Variants in SPTLC2 observed in about 807,000 individuals in gnomAD.
The protein encoded by SPTLC2 is serine palmitoyltransferase 2.
SPTLC2 carries 21 observed loss-of-function variants against 62.0 expected under a neutral mutation model. The observed-to-expected ratio is 0.34, with a 90% CI of 0.24 to 0.49. The LOEUF is 0.49. Ranked by LOEUF, SPTLC2 falls within the 20% of genes least tolerant of loss-of-function variation. The probability of loss-of-function intolerance (pLI) is 0.99; values close to 1 mark genes in which losing one functional copy is unlikely to be tolerated. For synonymous variants in SPTLC2, 261 were observed against 261.8 expected (o/e 1.00, Z 0.03); for missense variants, 511 against 713.0 (o/e 0.72, Z 3.23).
chr14:77,519,862 A>T (rs2079377499), intron 10 of SPTLC2, among the ~76,000 whole-genome samples: 3 of 151,650 alleles, frequency 2.0e-5, no homozygotes, highest in Admixed American at 2.0e-4. Flanking sequence ...CTAGTGCCTT[A>T]TTCTAATTCT....
In SPTLC2 at chr14:77,552,226, G is replaced by C. The variant is rs780042712; in HGVS notation, c.1177-4C>G. 6.2e-7 allele frequency: 1 copy of C among 1,613,974 alleles called. No individual in the cohort carries two copies. The highest frequency in any genetic ancestry group is 8.5e-7 in the Non-Finnish European group (1 of 1,179,964). ...TTCGCAGGTAGTCTATCAGCTCCTG[G>C]GGAGTTCACAGAGGCAGATAAGTAG... On this transcript the variant is annotated splice_polypyrimidine_tract_variant and splice_region_variant and intron_variant, in intron 8 of 11. Coordinates refer to ENST00000216484, the MANE Select transcript of SPTLC2 (RefSeq NM_004863.4).
At chr14:77,597,637 G>C (rs775394340) in intron 1 of SPTLC2, among the ~76,000 whole-genome samples, 26 of 151,386 alleles carry the variant, frequency 1.7e-4, no homozygotes, top group Non-Finnish European at 3.4e-4. Context: ...AGCCAGGATT[G>C]GTGGTGCACA....
At chr14:77,555,632 T>C in intron 7 of SPTLC2, 113 bp from the exon 8 acceptor site, 3 of 1,076,426 alleles carry the variant, frequency 2.8e-6, no homozygotes, top group East Asian at 2.6e-5. Flanking sequence ...TTTTTTTTTC[T>C]TGGGACAGAG....
chr14:77,609,469 G>A (rs2079923241), intron 1 of SPTLC2, among the ~76,000 whole-genome samples: 3 of 152,120 alleles, frequency 2.0e-5, no homozygotes, highest in Admixed American at 1.3e-4. Flanking sequence ...AGACACAGTG[G>A]TTCACGCCTG....
At chr14:77,561,426 A>G (rs1375352080) in intron 6 of SPTLC2, among the ~76,000 whole-genome samples, 1 of 152,092 alleles carries the variant, frequency 6.6e-6, no homozygotes, top group Non-Finnish European at 1.5e-5. Flanking sequence ...TCTGGCCAAC[A>G]CAGTGAAACT....
intron 5 of SPTLC2, among the ~76,000 whole-genome samples, chr14:77,568,826 G>A (rs931561515): frequency 5.5e-5 from 8 of 146,574 alleles, no homozygotes; most frequent in Non-Finnish European, 1.1e-4. Context: ...AAAAAAAAAA[G>A]AGAGAGGGGT....
At chr14:77,568,821 A>T (rs1231990271) in intron 5 of SPTLC2, among the ~76,000 whole-genome samples, 3 of 141,696 alleles carry the variant, frequency 2.1e-5, no homozygotes, top group African/African-American at 7.3e-5. Flanking sequence ...AAAAAAAAAA[A>T]AAAAGAGAGA....
intron 10 of SPTLC2, 80 bp downstream of exon 10, chr14:77,521,366 T>C: frequency 6.3e-7 from 1 of 1,584,838 alleles, no homozygotes; most frequent in Non-Finnish European, 8.7e-7. Context: ...CCATTTTCCC[T>C]AACAAAATAC....
At chr14:77,590,714 GAAAATAAAAATAAATA>G (rs1460316480) in intron 2 of SPTLC2, among the ~76,000 whole-genome samples, 4 of 151,844 alleles carry the variant, frequency 2.6e-5, no homozygotes, top group East Asian at 1.9e-4. Context: ...ACTGTCTCAA[GAAAATAAAAATAAATA>G]AAAATAAAAA....
intron 9 of SPTLC2, among the ~76,000 whole-genome samples, chr14:77,528,800 C>G (rs372214693): frequency 6.9e-6 from 1 of 145,416 alleles, no homozygotes; most frequent in East Asian, 1.9e-4. Context: ...CAATCTTTTA[C>G]TTTAATCATC....
At chr14:77,560,497 C>A (rs1386153330) in intron 6 of SPTLC2, among the ~76,000 whole-genome samples, 1 of 151,968 alleles carries the variant, frequency 6.6e-6, no homozygotes, top group Admixed American at 6.6e-5. Context: ...CATCTGTAGT[C>A]CCAGCTACTA....
At position 77,609,314 on chromosome 14, in the gene SPTLC2, C is replaced by T. The variant is rs761356138; in HGVS notation, c.132+7134G>A. On this transcript the variant is annotated intron_variant, in intron 1 of 11. Transcript: ENST00000216484. ...ACATGGCCATAAACAATGTAGTATT[C>T]TCCTGCATGTATTAGTACTGCATTC... 2.6e-5 allele frequency among the ~76,000 whole-genome samples: 4 copies of T among 152,158 alleles called. No homozygotes were observed. The East Asian group carries it at 5.8e-4, about 22-fold the overall frequency.
Position 77,509,082 on chromosome 14 carries a change from A to C in SPTLC2, c.*3202T>G, listed in dbSNP as rs1184351177. The C allele has an allele frequency of 6.6e-6, 1 of 152,186 alleles. No individual in the cohort carries two copies. Among genetic ancestry groups the C allele is most frequent in the Non-Finnish European group, 1.5e-5 (1 of 68,032 alleles). The allele number at this position is 152,186 out of a possible 1,614,324, so 9.4% of individuals were successfully genotyped here. On this transcript the variant is annotated 3_prime_UTR_variant, in exon 12 of 12. Coordinates refer to ENST00000216484, the MANE Select transcript of SPTLC2 (RefSeq NM_004863.4). ...TAGGATGCTTCTGTTCACCTTGATG[A>C]CTACAGAAGCAAGAATCCTGTTTTA... is the stretch of plus-strand genomic sequence containing the variant.
In SPTLC2 at chr14:77,534,170, TCTCTCTCTCACACACA is replaced by T. The variant is rs1214833111; in HGVS notation, c.1304-12605_1304-12590del. 5.6e-4 allele frequency among the ~76,000 whole-genome samples: 53 copies of T among 93,830 alleles called. 1 individual carries two copies. Among genetic ancestry groups the T allele is most frequent in the African/African-American group, 2.0e-3 (52 of 26,058 alleles). 61.6% of individuals were successfully genotyped at this position (93,830 alleles called of 152,430 possible). ...GAGACCCTGTCTCTCTCTCTTTCTCTCTCTCTCTCACACACACACACACACACACACACACACACAC... is the reference window on the plus strand; with the variant it reads ...GAGACCCTGTCTCTCTCTCTTTCTCTCACACACACACACACACACACACAC... On this transcript the variant is annotated intron_variant, in intron 9 of 11. Transcript: ENST00000216484.
chr14:77,534,451 T>TA, intron 9 of SPTLC2, among the ~76,000 whole-genome samples: 1 of 152,098 alleles, frequency 6.6e-6, no homozygotes, highest in Non-Finnish European at 1.5e-5. Context: ...GAAAGAAACT[T>TA]AAACACTAAA....
chr14:77,538,773 G>A (rs2079484114), intron 9 of SPTLC2, among the ~76,000 whole-genome samples: 1 of 151,988 alleles, frequency 6.6e-6, no homozygotes, highest in African/African-American at 2.4e-5. Context: ...GTTTCGCCAT[G>A]TTGCTCAGGC....
At chr14:77,609,921 C>A (rs2079926209) in intron 1 of SPTLC2, among the ~76,000 whole-genome samples, 2 of 152,216 alleles carry the variant, frequency 1.3e-5, no homozygotes, top group Middle Eastern at 3.4e-3. Context: ...AATTAATATA[C>A]AAGTTTCTGC....
chr14:77,521,214 G>C (rs141885267), intron 10 of SPTLC2, among the ~76,000 whole-genome samples: 3 of 152,268 alleles, frequency 2.0e-5, no homozygotes, highest in East Asian at 3.9e-4. Context: ...TTTATTCACT[G>C]ATCTATCCCA....
intron 9 of SPTLC2, among the ~76,000 whole-genome samples, chr14:77,527,015 C>T (rs1203470650): frequency 1.3e-5 from 2 of 151,454 alleles, no homozygotes; most frequent in South Asian, 2.1e-4. Context: ...AGGATGATGT[C>T]GATCTCCTGA....
Sources: allele counts gnomAD v4.1 joint callset (sites outside exome capture counted in the v4.1 genomes callset), GRCh38; gene constraint gnomAD v4.1.1; transcripts MANE v1.5; gene names NCBI Gene and HGNC (gene_info 2026-07-23, HGNC 2026-07-21).